The following SLC38A8 variants were observed in gnomAD, a reference collection of about 807,000 sequenced individuals.
The protein encoded by SLC38A8 is amino acid transporter SLC38A8.
A neutral mutation model predicts 46.0 loss-of-function variants in SLC38A8; 65 were observed. The observed-to-expected ratio is 1.41, with a 90% confidence interval of 1.16 to 1.74. The LOEUF is 1.74. SLC38A8 is among the 40% of genes most tolerant of loss of function. The pLI, the probability that SLC38A8 is intolerant of heterozygous loss-of-function variation, is 0.00. For missense variants in SLC38A8, 998 were observed against 567.9 expected, an observed-to-expected ratio of 1.76 and a Z score of -7.70; for synonymous variants, 447 against 243.7, an observed-to-expected ratio of 1.83 and a Z score of -7.77.
At chr16:84,030,117 T>C (rs540547611) in intron 5 of SLC38A8, among the ~76,000 whole-genome samples, 3 of 152,194 alleles carry the variant, frequency 2.0e-5, no homozygotes, top group South Asian at 4.2e-4. Context: ...GCTGCCCTTA[T>C]TGGAAGGGAA....
chr16:84,028,824 G>C (rs570248236), intron 6 of SLC38A8, among the ~76,000 whole-genome samples: 1 of 151,946 alleles, frequency 6.6e-6, no homozygotes, highest in African/African-American at 2.4e-5. Flanking sequence ...TCTCTACCTG[G>C]GGTGCGCTTC....
At chr16:84,021,126 G>A (rs962940022) in intron 7 of SLC38A8, among the ~76,000 whole-genome samples, 9 of 152,200 alleles carry the variant, frequency 5.9e-5, no homozygotes, top group South Asian at 2.1e-4. Context: ...GCAATGGTGC[G>A]ATCTCAGCTC....
At chr16:84,011,240 A>C (rs1039750066) in intron 10 of SLC38A8, among the ~76,000 whole-genome samples, 6 of 152,234 alleles carry the variant, frequency 3.9e-5, no homozygotes, top group African/African-American at 1.4e-4. Context: ...AGTTTTAACG[A>C]TAAAAATATC....
intron 7 of SLC38A8, among the ~76,000 whole-genome samples, chr16:84,021,689 C>G (rs192360152): frequency 6.6e-6 from 1 of 152,336 alleles, no homozygotes; most frequent in African/African-American, 2.4e-5. Context: ...TCCAGGTAGT[C>G]AATCATCAAC....
At position 84,038,832 on chromosome 16, in the gene SLC38A8, C is replaced by T. The variant is rs137992401; in HGVS notation, c.190-1932G>A. ...ATGTGTGATTGATCCGTATCGGGCG[C>T]ACAGGCAGCTTGCTTCTGTTTTTGC... On this transcript the variant is annotated intron_variant, in intron 2 of 10. Coordinates refer to ENST00000299709, the MANE Select transcript of SLC38A8 (RefSeq NM_001080442.3). Among the ~76,000 whole-genome samples, 388 of 152,286 alleles carry T rather than the reference C, an allele frequency of 2.5e-3. 2 individuals are homozygous for T. The highest frequency in any genetic ancestry group is 8.6e-3 in the African/African-American group (356 of 41,558).
intron 6 of SLC38A8, among the ~76,000 whole-genome samples, chr16:84,024,266 C>T (rs940334268): frequency 1.3e-5 from 2 of 152,164 alleles, no homozygotes; most frequent in African/African-American, 4.8e-5. Context: ...GAAGGGGTTC[C>T]CGGGGGCTTG....
chr16:84,034,396 T>A (rs1468978935), intron 3 of SLC38A8, among the ~76,000 whole-genome samples: 2 of 152,144 alleles, frequency 1.3e-5, no homozygotes, highest in Non-Finnish European at 2.9e-5. Context: ...CACAGTGGGA[T>A]GAATGATTTG....
intron 2 of SLC38A8, among the ~76,000 whole-genome samples, chr16:84,039,327 G>C (rs2085340972): frequency 6.6e-6 from 1 of 152,226 alleles, no homozygotes; most frequent in Non-Finnish European, 1.5e-5. Flanking sequence ...AAAATATTGA[G>C]GGATTTCTCC....
chr16:84,029,563 C>A lies in SLC38A8; in HGVS notation c.633-12G>T. On this transcript the variant is annotated splice_polypyrimidine_tract_variant and intron_variant, in intron 5 of 10. Transcript: ENST00000299709. ...TCCAGGAGGCAGGGCTGTAAACAGA[C>A]AAGAACAGGAGTTTATTAAAGAAGG... 2 of 1,613,894 alleles carry A rather than the reference C, an allele frequency of 1.2e-6. No individual in the cohort carries two copies. Among genetic ancestry groups the A allele is most frequent in the African/African-American group, 1.3e-5 (1 of 75,030 alleles).
Position 84,036,793 on chromosome 16 carries a change from G to A in SLC38A8, c.297C>T (p.Ala99=), listed in dbSNP as rs1233756361. ...QGVVRGLCGP[A]IGKLCEACFL... is the part of the protein sequence containing the mutation. ...AGCAGGCCTCACACAGCTTCCCAAT[G>A]GCAGGGCCACACAGCCCCCTGACCA... Residue 99 remains alanine, a synonymous_variant, in exon 3 of 11, where the codon GCC becomes GCT. Transcript: ENST00000299709. The A allele has an allele frequency of 7.4e-6, 12 of 1,614,032 alleles. No individual in the cohort carries two copies. Among genetic ancestry groups the A allele is most frequent in the South Asian group, 2.2e-5 (2 of 91,086 alleles).
At chr16:84,019,428 G>A (rs1213608511) in intron 7 of SLC38A8, among the ~76,000 whole-genome samples, 2 of 152,216 alleles carry the variant, frequency 1.3e-5, no homozygotes, top group Admixed American at 6.5e-5. Flanking sequence ...ACTGGCAGAT[G>A]GTGCATCCTT....
At chr16:84,022,506 G>A (rs1464357350) in intron 7 of SLC38A8, among the ~76,000 whole-genome samples, 1 of 152,236 alleles carries the variant, frequency 6.6e-6, no homozygotes, top group African/African-American at 2.4e-5. Context: ...CAGAGCACGG[G>A]CTTTGGAGAC....
chr16:84,021,210 C>G lies in SLC38A8; in HGVS notation c.805+1565G>C, dbSNP rs1394634850. The stretch of plus-strand genomic sequence containing the variant: ...CCCAAGCAGCTGGGATTACAGGTGC[C>G]CCGCCACCATGCTCGGCTAATTTTT... On this transcript the variant is annotated intron_variant, in intron 7 of 10. Transcript: ENST00000299709. Among the ~76,000 whole-genome samples, 4 of 152,242 alleles carry G rather than the reference C, an allele frequency of 2.6e-5. No individual in the cohort carries two copies. The East Asian group carries it at 7.7e-4, about 29-fold the overall frequency.
intron 6 of SLC38A8, among the ~76,000 whole-genome samples, chr16:84,023,168 T>TAGAG (rs1555553603): frequency 6.6e-6 from 1 of 152,034 alleles, no homozygotes; most frequent in Non-Finnish European, 1.5e-5. Context: ...AAACTAGCTC[T>TAGAG]CTAGCTCATT....
At chr16:84,037,577 A>G (rs151295797) in intron 2 of SLC38A8, among the ~76,000 whole-genome samples, 2,695 of 152,196 alleles carry the variant, frequency 0.018, 37 homozygotes, top group Middle Eastern at 0.048. Flanking sequence ...CCTGGCCAAC[A>G]TGGAGAAACC....
chr16:84,022,305 G>A (rs915386068), intron 7 of SLC38A8, among the ~76,000 whole-genome samples: 1 of 152,214 alleles, frequency 6.6e-6, no homozygotes, highest in African/African-American at 2.4e-5. Context: ...GATCCTGCGT[G>A]TCACAGCCCC....
intron 7 of SLC38A8, among the ~76,000 whole-genome samples, chr16:84,021,620 T>A (rs2085097336): frequency 6.6e-6 from 1 of 152,174 alleles, no homozygotes; most frequent in Non-Finnish European, 1.5e-5. Flanking sequence ...TATTCTAGCC[T>A]GCTCCTCCGA....
At chr16:84,021,417 G>C (rs1030108005) in intron 7 of SLC38A8, among the ~76,000 whole-genome samples, 12 of 152,194 alleles carry the variant, frequency 7.9e-5, no homozygotes, top group Admixed American at 2.0e-4. Context: ...CATGGACACA[G>C]TTCAGCCAAA....
chr16:84,017,060 C>G, intron 8 of SLC38A8, 80 bp downstream of exon 8: 2 of 1,563,554 alleles, frequency 1.3e-6, no homozygotes, highest in Non-Finnish European at 1.7e-6. Flanking sequence ...AGCCGCGTAG[C>G]CCACACCTGG....
Sources: allele counts gnomAD v4.1 joint callset (sites outside exome capture counted in the v4.1 genomes callset), GRCh38; gene constraint gnomAD v4.1.1; transcripts MANE v1.5; gene names NCBI Gene and HGNC (gene_info 2026-07-23, HGNC 2026-07-21).